The following ROBO1 variants were observed in gnomAD, a reference collection of about 807,000 sequenced individuals.
ROBO1 encodes the protein roundabout homolog 1.
In ROBO1, 149 loss-of-function variants were observed where a neutral mutation model predicts 195.9. The ratio of observed to expected loss-of-function variants is 0.76; its 90% confidence interval spans 0.67 to 0.87. The LOEUF is 0.87. ROBO1 is among the 40% of genes least tolerant of loss of function. The pLI is 0.00. For missense variants in ROBO1, 1,933 were observed against 2,068.3 expected (o/e 0.93, Z 1.27); for synonymous variants, 816 against 733.2 (o/e 1.11, Z -1.82).
At chr3:79,429,547 C>G (rs1184576120) in intron 2 of ROBO1, among the ~76,000 whole-genome samples, 4 of 151,904 alleles carry the variant, frequency 2.6e-5, no homozygotes. Flanking sequence ...AGTGAAGGGA[C>G]AAAAAACAAA....
At chr3:79,021,686 A>T (rs1479487960) in intron 3 of ROBO1, among the ~76,000 whole-genome samples, 2 of 113,248 alleles carry the variant, frequency 1.8e-5, no homozygotes, top group African/African-American at 3.5e-5. Flanking sequence ...TTAGAGACGG[A>T]GTCTGTCTTT....
chr3:79,590,060 T>C (rs1463699598), intron 1 of ROBO1, 99 bp from the exon 2 acceptor site: 1 of 535,838 alleles, frequency 1.9e-6, no homozygotes, highest in African/African-American at 1.9e-5. Flanking sequence ...GAAATGTCAT[T>C]TTTTGAAATA....
intron 8 of ROBO1, 67 bp from the exon 9 acceptor site, chr3:78,688,839 T>A (rs2081108589): frequency 2.1e-6 from 3 of 1,451,310 alleles, no homozygotes; most frequent in Non-Finnish European, 2.8e-6. Flanking sequence ...TGAGACAATC[T>A]CTTATATTCT....
At chr3:79,463,374 C>T (rs1024385459) in intron 2 of ROBO1, among the ~76,000 whole-genome samples, 1 of 122,188 alleles carries the variant, frequency 8.2e-6, no homozygotes, top group African/African-American at 3.2e-5. Flanking sequence ...GATTACATCT[C>T]AAAAAAAAAA....
At chr3:78,601,263 G>A (rs1703153525) in intron 29 of ROBO1, among the ~76,000 whole-genome samples, 1 of 152,140 alleles carries the variant, frequency 6.6e-6, no homozygotes, top group African/African-American at 2.4e-5. Flanking sequence ...TAAGGCAGAA[G>A]GCTTCCCTCT....
intron 2 of ROBO1, among the ~76,000 whole-genome samples, chr3:79,494,174 G>A (rs1172959921): frequency 6.6e-6 from 1 of 152,034 alleles, no homozygotes; most frequent in East Asian, 1.9e-4. Context: ...CACGCCCCAT[G>A]CTCCATACTT....
At chr3:79,288,800 T>C (rs990913973) in intron 2 of ROBO1, among the ~76,000 whole-genome samples, 4 of 152,158 alleles carry the variant, frequency 2.6e-5, no homozygotes, top group Admixed American at 1.3e-4. Flanking sequence ...CCTTTTTTTT[T>C]CCAATTTCTA....
chr3:79,575,753 T>A (rs1047818304), intron 2 of ROBO1, among the ~76,000 whole-genome samples: 1 of 151,412 alleles, frequency 6.6e-6, no homozygotes, highest in African/African-American at 2.4e-5. Flanking sequence ...TGTGACATAT[T>A]TAAGTGTTTT....
intron 1 of ROBO1, among the ~76,000 whole-genome samples, chr3:79,616,885 C>T (rs911594323): frequency 6.6e-6 from 1 of 152,154 alleles, no homozygotes; most frequent in Admixed American, 6.5e-5. Context: ...TGTGGAGCAG[C>T]AGCATTTCTG....
chr3:78,865,498 G>A (rs2035114392), intron 4 of ROBO1, among the ~76,000 whole-genome samples: 1 of 144,262 alleles, frequency 6.9e-6, no homozygotes, highest in Non-Finnish European at 1.5e-5. Context: ...TTGAGATGGA[G>A]TCTCGTTGTG....
intron 1 of ROBO1, among the ~76,000 whole-genome samples, chr3:79,742,829 G>T (rs1292097052): frequency 6.6e-6 from 1 of 152,158 alleles, no homozygotes; most frequent in African/African-American, 2.4e-5. Flanking sequence ...AAGCAAAGAG[G>T]CTTGGTGAAA....
intron 2 of ROBO1, among the ~76,000 whole-genome samples, chr3:79,332,032 G>A (rs2034460514): frequency 6.6e-6 from 1 of 151,714 alleles, no homozygotes; most frequent in Non-Finnish European, 1.5e-5. Context: ...AGTCCCAGGT[G>A]CTGGGAAGGC....
At chr3:79,253,012 G>A (rs768010062) in intron 2 of ROBO1, among the ~76,000 whole-genome samples, 8 of 152,046 alleles carry the variant, frequency 5.3e-5, no homozygotes, top group Non-Finnish European at 1.2e-4. Context: ...TAGGGCACTT[G>A]GAATTAAGCA....
chr3:78,997,823 G>C (rs2077405341), intron 3 of ROBO1, among the ~76,000 whole-genome samples: 1 of 152,146 alleles, frequency 6.6e-6, no homozygotes, highest in Non-Finnish European at 1.5e-5. Context: ...GTAAGAGGAA[G>C]AAACAGCATT....
At chr3:79,283,322 T>C (rs1371310822) in intron 2 of ROBO1, among the ~76,000 whole-genome samples, 1 of 152,166 alleles carries the variant, frequency 6.6e-6, no homozygotes, top group Admixed American at 6.5e-5. Context: ...CTCAGCATCA[T>C]GCAATATACC....
At chr3:78,970,491 A>T (rs991138578) in intron 3 of ROBO1, among the ~76,000 whole-genome samples, 2 of 152,134 alleles carry the variant, frequency 1.3e-5, no homozygotes, top group Non-Finnish European at 2.9e-5. Flanking sequence ...TTAAAGTGAG[A>T]TTTTATTTAC....
At chr3:79,190,718 T>G (rs1377770603) in intron 2 of ROBO1, among the ~76,000 whole-genome samples, 1 of 151,658 alleles carries the variant, frequency 6.6e-6, no homozygotes, top group Non-Finnish European at 1.5e-5. Flanking sequence ...TACTATATTA[T>G]ATGAATACAT....
chr3:78,880,883 A>G (rs1002887505), intron 4 of ROBO1, among the ~76,000 whole-genome samples: 5 of 152,194 alleles, frequency 3.3e-5, no homozygotes, highest in Non-Finnish European at 7.3e-5. Flanking sequence ...TTGGGTCTAC[A>G]CAATTTCTCC....
Position 79,332,171 on chromosome 3 carries a change from G to A in ROBO1, c.89-206632C>T, listed in dbSNP as rs188642974. On this transcript the variant is annotated intron_variant, in intron 2 of 30. Coordinates refer to ENST00000464233, the MANE Select transcript of ROBO1 (RefSeq NM_002941.4). The stretch of plus-strand genomic sequence containing the variant: ...AAAAGAAAAAAAAAAAAAAAAGAAT[G>A]TGACTTTAAGGAGAACATTATTGAT... Among the ~76,000 whole-genome samples, 6 of 142,112 alleles carry A rather than the reference G, an allele frequency of 4.2e-5. No homozygotes were observed. The East Asian group carries it at 1.0e-3, about 24-fold the overall frequency. The allele number at this position is 142,112 out of a possible 152,430, so 93.2% of individuals were successfully genotyped here.
Sources: gnomAD v4.1 joint callset for allele counts (sites outside exome capture counted in the v4.1 genomes callset) on GRCh38, gnomAD v4.1.1 for gene constraint, MANE v1.5 for transcripts, NCBI Gene and HGNC (gene_info 2026-07-23, HGNC 2026-07-21) for gene names.